Variants in OPCML observed in about 807,000 individuals in gnomAD.
OPCML encodes opioid-binding protein/cell adhesion molecule.
OPCML carries 13 observed loss-of-function variants against 37.8 expected under a neutral mutation model. The observed-to-expected ratio is 0.34, with a 90% CI of 0.22 to 0.55. The LOEUF (loss-of-function observed/expected upper bound fraction) is 0.55, where lower values mean the gene tolerates loss of function less well. OPCML is among the 20% of genes least tolerant of loss of function. OPCML has a pLI of 0.91. For missense variants in OPCML, 341 were observed against 435.6 expected (o/e 0.78, Z 1.93); for synonymous variants, 176 against 168.8 (o/e 1.04, Z -0.33).
In OPCML at chr11:133,458,552, TGTGTGTATACACATATATACAC is replaced by T. The variant is rs1433884912; in HGVS notation, c.61+73690_61+73711del. Among the ~76,000 whole-genome samples, 220 of 118,402 alleles carry T rather than the reference TGTGTGTATACACATATATACAC, an allele frequency of 1.9e-3. 37 individuals carry two copies. The highest frequency in any genetic ancestry group is 5.3e-3 in the African/African-American group (81 of 15,202). The allele number at this position is 118,402 out of a possible 152,430, so 77.7% of individuals were successfully genotyped here. The stretch of plus-strand genomic sequence containing the variant: ...GTGTGTATACACATATATACACGTG[TGTGTGTATACACATATATACAC>T]GTGTGTGTACACATATATACACGTG... On this transcript the variant is annotated intron_variant, in intron 1 of 7. Transcript: ENST00000524381.
chr11:132,520,576 A>T (rs1349808722), intron 4 of OPCML, among the ~76,000 whole-genome samples: 1 of 152,010 alleles, frequency 6.6e-6, no homozygotes, highest in African/African-American at 2.4e-5. Flanking sequence ...ATTGGAAATA[A>T]TTGTCGATCC....
chr11:132,864,929 A>G (rs1217191833), intron 2 of OPCML, among the ~76,000 whole-genome samples: 2 of 152,236 alleles, frequency 1.3e-5, no homozygotes, highest in Non-Finnish European at 2.9e-5. Flanking sequence ...CTATGAGTGA[A>G]GGGCTCATCT....
intron 1 of OPCML, among the ~76,000 whole-genome samples, chr11:133,157,719 T>G (rs1297995908): frequency 6.6e-6 from 1 of 152,244 alleles, no homozygotes; most frequent in South Asian, 2.1e-4. Context: ...CAAGTGAAAA[T>G]TGTACCCATC....
intron 1 of OPCML, among the ~76,000 whole-genome samples, chr11:133,387,485 A>T (rs1945079697): frequency 6.6e-6 from 1 of 152,226 alleles, no homozygotes. Context: ...TCAGTGCCCC[A>T]ACAGGCAAAG....
At chr11:133,264,510 A>G (rs1030149508) in intron 1 of OPCML, among the ~76,000 whole-genome samples, 1 of 152,188 alleles carries the variant, frequency 6.6e-6, no homozygotes, top group African/African-American at 2.4e-5. Flanking sequence ...CCTGGTATGG[A>G]GGGCCCTTCT....
At chr11:132,919,386 C>G (rs1458513371) in intron 2 of OPCML, among the ~76,000 whole-genome samples, 2 of 152,110 alleles carry the variant, frequency 1.3e-5, no homozygotes, top group Admixed American at 1.3e-4. Context: ...TGGGTTGAGG[C>G]CCGGCAGGGT....
At chr11:132,505,146 G>A (rs11826863) in intron 4 of OPCML, among the ~76,000 whole-genome samples, 9,891 of 152,142 alleles carry the variant, frequency 0.065, 410 homozygotes, top group Middle Eastern at 0.16. Flanking sequence ...AATTAAAACA[G>A]GACTCAAAAT....
At chr11:133,422,607 G>A (rs1945915550) in intron 1 of OPCML, 26 of 955,072 alleles carry the variant, frequency 2.7e-5, no homozygotes, top group Non-Finnish European at 3.1e-5. Flanking sequence ...TCCTGCTACC[G>A]CAGCCTCCCG....
chr11:132,470,872 G>A (rs980182399), intron 4 of OPCML, among the ~76,000 whole-genome samples: 6 of 152,066 alleles, frequency 3.9e-5, no homozygotes, highest in African/African-American at 1.2e-4. Context: ...AGACCAGTTA[G>A]GATTATTTAT....
intron 4 of OPCML, among the ~76,000 whole-genome samples, chr11:132,513,386 C>A (rs1390681666): frequency 1.3e-5 from 2 of 151,948 alleles, no homozygotes; most frequent in Non-Finnish European, 2.9e-5. Context: ...CTTTGGGGAC[C>A]CCTTTGAAGA....
intron 2 of OPCML, among the ~76,000 whole-genome samples, chr11:132,737,822 T>G (rs1945310224): frequency 6.6e-6 from 1 of 152,092 alleles, no homozygotes; most frequent in African/African-American, 2.4e-5. Context: ...TGCTACAGGA[T>G]TCAGTGAAAT....
At chr11:132,832,003 G>A (rs773340775) in intron 2 of OPCML, among the ~76,000 whole-genome samples, 1 of 151,772 alleles carries the variant, frequency 6.6e-6, no homozygotes, top group Non-Finnish European at 1.5e-5. Flanking sequence ...CATGCCTCAA[G>A]TCCATCGCAC....
intron 1 of OPCML, among the ~76,000 whole-genome samples, chr11:133,092,863 AGAG>A (rs1324028685): frequency 5.9e-5 from 9 of 152,198 alleles, no homozygotes; most frequent in Admixed American, 1.3e-4. Context: ...AGAGAGAGAG[AGAG>A]AGGATTTCTG....
intron 2 of OPCML, among the ~76,000 whole-genome samples, chr11:132,924,806 G>A (rs1353679296): frequency 6.6e-6 from 1 of 152,152 alleles, no homozygotes; most frequent in African/African-American, 2.4e-5. Flanking sequence ...GTGGTTTGGT[G>A]TCCGGCATTA....
rs1245504911 is a variant in OPCML at position 133,300,014 on chromosome 11, T to A, written c.61+232250A>T. The A allele has an allele frequency of 2.0e-5, 3 of 152,226 alleles. No individual in the cohort carries two copies. The East Asian group carries it at 5.8e-4, about 29-fold the overall frequency. The allele number at this position is 152,226 out of a possible 1,614,324, so 9.4% of individuals were successfully genotyped here. A position where few individuals can be genotyped will look rare whatever the true frequency, so the allele number is the denominator to read the frequency against. On this transcript the variant is annotated intron_variant, in intron 1 of 7. Transcript: ENST00000524381. ...AATTCTGGAGACACAAAGATGCACATGCCACGGTCCTTTCTTTCAGTGAGC... is the reference window on the plus strand; with the variant it reads ...AATTCTGGAGACACAAAGATGCACAAGCCACGGTCCTTTCTTTCAGTGAGC...
chr11:132,489,051 A>C (rs1179180130), intron 4 of OPCML, among the ~76,000 whole-genome samples: 1 of 152,256 alleles, frequency 6.6e-6, no homozygotes, highest in Non-Finnish European at 1.5e-5. Context: ...TTTAGCTCAA[A>C]ACACAAACAC....
chr11:132,563,197 G>A (rs1463257883), intron 3 of OPCML, among the ~76,000 whole-genome samples: 1 of 152,128 alleles, frequency 6.6e-6, no homozygotes, highest in Non-Finnish European at 1.5e-5. Context: ...TAGAGATGAG[G>A]CTTATGCAGC....
chr11:133,421,041 T>G (rs925137394), intron 1 of OPCML: 92 of 985,246 alleles, frequency 9.3e-5, no homozygotes, highest in Admixed American at 6.1e-4. Context: ...GGTGTAGATT[T>G]TGTCCTGAGA....
intron 1 of OPCML, among the ~76,000 whole-genome samples, chr11:133,074,629 C>T (rs760190683): frequency 6.6e-6 from 1 of 152,146 alleles, no homozygotes; most frequent in Non-Finnish European, 1.5e-5. Context: ...ACCAGCTAGT[C>T]GGGGCTCTTG....
Sources: allele counts gnomAD v4.1 joint callset (sites outside exome capture counted in the v4.1 genomes callset), GRCh38; gene constraint gnomAD v4.1.1; transcripts MANE v1.5; gene names NCBI Gene and HGNC (gene_info 2026-07-23, HGNC 2026-07-21).